MAP3K11: variants seen among roughly 807,000 people sequenced by gnomAD.
MAP3K11 encodes SH3 domain-containing proline-rich kinase.
Under a neutral mutation model 84.9 loss-of-function variants are expected in MAP3K11, and 46 were observed. The ratio of observed to expected loss-of-function variants is 0.54; its 90% CI spans 0.43 to 0.69. The LOEUF is 0.69. Ranked by LOEUF, MAP3K11 falls within the 30% of genes least tolerant of loss-of-function variation. The pLI, the probability that MAP3K11 is intolerant of heterozygous loss-of-function variation, is 0.00. For synonymous variants in MAP3K11, 527 were observed against 514.7 expected (o/e 1.02, Z -0.32); for missense variants, 1,053 against 1,198.3 (o/e 0.88, Z 1.79).
rs781760357 is a variant in MAP3K11 at position 65,607,458 on chromosome 11, T to C, written c.1301A>G (p.Gln434Arg). 6.5e-7 allele frequency: 1 copy of C among 1,548,504 alleles called. No individual in the cohort carries two copies. The highest frequency in any genetic ancestry group is 2.0e-5 in the Admixed American group (1 of 50,782). The change falls in exon 5 of 10, where the codon CAG becomes CGG. Residue 434 changes from glutamine to arginine, a missense_variant. By Grantham distance (43) the Gln-to-Arg change is conservative (BLOSUM62 1). Transcript: ENST00000309100. ...CTCGCGCCGCCGCAGCTGCTCCGCCTGTGACCGCTGCTCGCGCGCCGCTCG... is the reference window on the plus strand; with the variant it reads ...CTCGCGCCGCCGCAGCTGCTCCGCCCGTGACCGCTGCTCGCGCGCCGCTCG... ...LTRAAREQRS[Q>R]AEQLRRREHL...
At position 65,606,818 on chromosome 11, in the gene MAP3K11, T is replaced by C; in HGVS notation, c.1490-14A>G. 1 of 1,561,528 alleles carries C rather than the reference T, an allele frequency of 6.4e-7. No homozygotes were observed. On this transcript the variant is annotated splice_polypyrimidine_tract_variant and intron_variant, in intron 5 of 9. Coordinates refer to ENST00000309100, the MANE Select transcript of MAP3K11 (RefSeq NM_002419.4). ...GGTGCTTGAAGTCTGGGATTTGGGT[T>C]GGGGGGAGCAGGGTTCAGGTTTGTG...
In MAP3K11 at chr11:65,608,402, G is replaced by A. The variant is rs982768291; in HGVS notation, c.786C>T (p.Thr262=). The A allele has an allele frequency of 6.2e-7, 1 of 1,614,082 alleles. No individual in the cohort carries two copies. Among genetic ancestry groups the A allele is most frequent in the East Asian group, 2.2e-5 (1 of 44,890 alleles). The change falls in exon 2 of 10, where the codon ACC becomes ACT. Residue 262 remains threonine, a synonymous_variant. Coordinates refer to ENST00000309100, the MANE Select transcript of MAP3K11 (RefSeq NM_002419.4). ...PIESDDMEHK[T]LKITDFGLAR... ...CCAGGCCAAAGTCGGTGATCTTCAG[G>A]GTCTTGTGCTCCATGTCGTCACTCT...
chr11:65,602,435 C>T (rs1040996921), intron 8 of MAP3K11, among the ~76,000 whole-genome samples: 6 of 152,110 alleles, frequency 3.9e-5, no homozygotes, highest in Non-Finnish European at 8.8e-5. Flanking sequence ...CACTTGAGGT[C>T]AGGAGTTCGG....
In MAP3K11 at chr11:65,605,852, C is replaced by T. The variant is rs750037514; in HGVS notation, c.1740G>A (p.Arg580=). The change falls in exon 8 of 10, where the codon AGG becomes AGA. Residue 580 remains arginine, a splice_region_variant and synonymous_variant. Coordinates refer to ENST00000309100, the MANE Select transcript of MAP3K11 (RefSeq NM_002419.4). ...TGGCTTCGTCCATGCGGGACCTTCT[C>T]CTGGTGATGGGAGGGCAAGGAGGGG... is the stretch of plus-strand genomic sequence containing the variant. ...SPKPGEAQNG[R]RRSRMDEATW... 1.2e-6 allele frequency: 2 copies of T among 1,613,118 alleles called. No homozygotes were observed. Among genetic ancestry groups the T allele is most frequent in the South Asian group, 2.2e-5 (2 of 90,964 alleles).
chr11:65,607,622 G>T lies in MAP3K11; in HGVS notation c.1245+19C>A. The T allele has an allele frequency of 6.3e-7, 1 of 1,593,118 alleles. No homozygotes were observed. Among genetic ancestry groups the T allele is most frequent in the Non-Finnish European group, 8.6e-7 (1 of 1,166,988 alleles). On this transcript the variant is annotated intron_variant, in intron 4 of 9. Coordinates refer to ENST00000309100, the MANE Select transcript of MAP3K11 (RefSeq NM_002419.4). ...GGGGAGACACTCGTTCCAACGCTGGGTCCCTTGATTCCTCGCACCTTTTCC... is the reference window on the plus strand; with the variant it reads ...GGGGAGACACTCGTTCCAACGCTGGTTCCCTTGATTCCTCGCACCTTTTCC...
chr11:65,613,829 C>T lies in MAP3K11; in HGVS notation c.-73G>A. On this transcript the variant is annotated 5_prime_UTR_variant, in exon 1 of 10. Transcript: ENST00000309100. ...CGTGGTCCCCACCCCCGCTGGCTGC[C>T]AAGGCCCTAGTCCCGGAACCTGGGC... 1 of 1,443,260 alleles carries T rather than the reference C, an allele frequency of 6.9e-7. No individual in the cohort carries two copies. The highest frequency in any genetic ancestry group is 1.4e-5 in the African/African-American group (1 of 70,486). The allele number at this position is 1,443,260 out of a possible 1,614,324, so 89.4% of individuals were successfully genotyped here. A position where few individuals can be genotyped will look rare whatever the true frequency, so the allele number is the denominator to read the frequency against.
chr11:65,610,381 A>G (rs1391622629), intron 1 of MAP3K11: 1 of 152,204 alleles, frequency 6.6e-6, no homozygotes. Context: ...ACAAGACCAC[A>G]CTTTTAAAGT....
In MAP3K11 at chr11:65,599,576, G is replaced by A. The variant is rs551941259; in HGVS notation, c.2024C>T (p.Pro675Leu). 5.9e-5 allele frequency: 89 copies of A among 1,509,212 alleles called. No individual in the cohort carries two copies. In the East Asian group the frequency reaches 9.8e-4, roughly 17 times the overall value. The allele number at this position is 1,509,212 out of a possible 1,614,324, so 93.5% of individuals were successfully genotyped here. The change falls in exon 9 of 10, where the codon CCG becomes CTG. Residue 675 changes from proline (P) to leucine (L), a missense_variant. Around this residue, in one of 3 missense-constraint regions of MAP3K11, gnomAD observed 583 missense variants for 566.6 expected, o/e 1.03. Transcript: ENST00000309100. ...GGPGRERGES[P>L]TTPPTPTPAP... is the part of the protein sequence containing the mutation. ...GGGCGTTGGCGTGGGGGGTGTTGTC[G>A]GGGACTCCCCGCGCTCGCGTCCTGG...
At chr11:65,602,503 G>A (rs748629621) in intron 8 of MAP3K11, among the ~76,000 whole-genome samples, 8 of 152,028 alleles carry the variant, frequency 5.3e-5, no homozygotes, top group Non-Finnish European at 1.0e-4. Context: ...AACATTAGCC[G>A]GGCATTGTGG....
chr11:65,613,801 G>T lies in MAP3K11; in HGVS notation c.-45C>A. 1.4e-6 allele frequency: 2 copies of T among 1,480,736 alleles called. No individual in the cohort carries two copies. Among genetic ancestry groups the T allele is most frequent in the South Asian group, 2.7e-5 (2 of 73,418 alleles). The allele number at this position is 1,480,736 out of a possible 1,614,324, so 91.7% of individuals were successfully genotyped here. On this transcript the variant is annotated 5_prime_UTR_variant, in exon 1 of 10. Coordinates refer to ENST00000309100, the MANE Select transcript of MAP3K11 (RefSeq NM_002419.4). ...GATGTGTGGAGGACCTTCTCTGGGT[G>T]CCCGTGGTCCCCACCCCCGCTGGCT...
At chr11:65,601,688 G>A (rs1011928451) in intron 8 of MAP3K11, among the ~76,000 whole-genome samples, 3 of 151,750 alleles carry the variant, frequency 2.0e-5, no homozygotes, top group African/African-American at 2.4e-5. Context: ...CCCAGGAGGC[G>A]GAGCTTGCAG....
chr11:65,603,614 T>C (rs1854478318), intron 8 of MAP3K11, among the ~76,000 whole-genome samples: 1 of 152,210 alleles, frequency 6.6e-6, no homozygotes, highest in Non-Finnish European at 1.5e-5. Flanking sequence ...CATTATTTGA[T>C]TCTTAGCTGG....
In MAP3K11 at chr11:65,608,263, C is replaced by G; in HGVS notation, c.920+5G>C. 1 of 1,612,272 alleles carries G rather than the reference C, an allele frequency of 6.2e-7. No homozygotes were observed. The highest frequency in any genetic ancestry group is 2.2e-5 in the East Asian group (1 of 44,826). On this transcript the variant is annotated splice_donor_5th_base_variant and intron_variant, in intron 2 of 9. Transcript: ENST00000309100. Reference sequence around the variant, plus strand: ...CAGCCCGTCCAGCCCCACCAAGGGCCGCACCTCCAGACGTCACTGCCCTTA... The same window carrying G: ...CAGCCCGTCCAGCCCCACCAAGGGCGGCACCTCCAGACGTCACTGCCCTTA...
At position 65,599,650 on chromosome 11, in the gene MAP3K11, G is replaced by A. The variant is rs753410831; in HGVS notation, c.1950C>T (p.Ala650=). ...GGCCAAGGCCCAGCGAGGCGAGCAG[G>A]GCGGTGCCGCGCAGCAGCGCCCGCT... ...LIQRALLRGT[A]LLASLGLGRD... The change falls in exon 9 of 10, where the codon GCC becomes GCT. Residue 650 remains alanine (A), a synonymous_variant. Transcript: ENST00000309100. The A allele has an allele frequency of 6.5e-6, 10 of 1,550,016 alleles. No individual in the cohort carries two copies. In the South Asian group the frequency reaches 8.2e-5, roughly 13 times the overall value.
At chr11:65,607,121 A>C (rs1186504258) in intron 5 of MAP3K11, 149 bp downstream of exon 5, 7 of 1,147,332 alleles carry the variant, frequency 6.1e-6, no homozygotes, top group South Asian at 3.6e-5. Flanking sequence ...ACAGAAAAAA[A>C]ACACTCCTGG....
At chr11:65,599,185 C>T (rs1298454409) in intron 9 of MAP3K11, among the ~76,000 whole-genome samples, 1 of 152,192 alleles carries the variant, frequency 6.6e-6, no homozygotes, top group Admixed American at 6.5e-5. Context: ...TCACAGCAGG[C>T]ATCGCCCCCA....
intron 1 of MAP3K11, 121 bp downstream of exon 1, chr11:65,612,897 C>G: frequency 8.2e-7 from 1 of 1,226,100 alleles, no homozygotes; most frequent in South Asian, 2.0e-5. Context: ...CCCTGGTCAG[C>G]TGGGACCCCC....
chr11:65,606,919 CTG>C (rs1413350733), intron 5 of MAP3K11, 115 bp from the exon 6 acceptor site: 2 of 657,884 alleles, frequency 3.0e-6, no homozygotes, highest in African/African-American at 3.8e-5. Flanking sequence ...GGCACGATGG[CTG>C]TGAGACTGTG....
At chr11:65,598,663 A>C in intron 9 of MAP3K11, 35 bp from the exon 10 acceptor site, 1 of 1,419,318 alleles carries the variant, frequency 7.0e-7, no homozygotes, top group Non-Finnish European at 9.4e-7. Flanking sequence ...GGGTCAAGCA[A>C]CCCCCAACTG....
Sources: allele counts gnomAD v4.1 joint callset (sites outside exome capture counted in the v4.1 genomes callset), GRCh38; gene constraint gnomAD v4.1.1; regional missense constraint gnomAD v4.1.1; transcripts MANE v1.5; gene names NCBI Gene and HGNC (gene_info 2026-07-23, HGNC 2026-07-21).